SLC36A1: variants seen among roughly 807,000 people sequenced by gnomAD.
SLC36A1 encodes the protein solute carrier family 36 member 1.
In SLC36A1, 30 loss-of-function variants were observed where a neutral mutation model predicts 47.5. The ratio of observed to expected loss-of-function variants is 0.63; its 90% CI spans 0.47 to 0.86. SLC36A1 has a LOEUF of 0.86. Among genes scored for constraint, SLC36A1 ranks in the 40% least tolerant of loss-of-function variants. SLC36A1 has a pLI of 0.00. For synonymous variants in SLC36A1, 255 were observed against 249.7 expected (o/e 1.02, Z -0.20); for missense variants, 517 against 606.0 (o/e 0.85, Z 1.54).
At chr5:151,545,286 C>A in the SLC36A1 span, 1 of 1,614,006 alleles carries the variant, frequency 6.2e-7, no homozygotes, top group African/African-American at 1.3e-5. Flanking sequence ...TGTCTTGATA[C>A]AAGCCATCAG....
the SLC36A1 span, among the ~76,000 whole-genome samples, chr5:151,405,542 C>T: frequency 2.0e-5 from 3 of 151,838 alleles, no homozygotes; most frequent in African/African-American, 4.8e-5. Flanking sequence ...GCTTTCTTGC[C>T]GTTCTATATC....
At chr5:151,359,889 G>A in the SLC36A1 span, among the ~76,000 whole-genome samples, 1 of 152,316 alleles carries the variant, frequency 6.6e-6, no homozygotes, top group Admixed American at 6.5e-5. Context: ...ATATTCCATT[G>A]TATGGGTATG....
upstream of SLC36A1, among the ~76,000 whole-genome samples, chr5:151,432,729 G>A (rs1759436145): frequency 6.6e-6 from 1 of 152,142 alleles, no homozygotes; most frequent in Non-Finnish European, 1.5e-5. Flanking sequence ...AGGCCAGAGA[G>A]ACCAGCAGCA....
chr5:151,349,307 C>T, the SLC36A1 span, among the ~76,000 whole-genome samples: 1 of 151,912 alleles, frequency 6.6e-6, no homozygotes, highest in Non-Finnish European at 1.5e-5. Context: ...TCCCAGGCAT[C>T]GTCAGTGAAA....
chr5:151,473,871 C>A, intron 8 of SLC36A1, 100 bp downstream of exon 8: 1 of 965,372 alleles, frequency 1.0e-6, no homozygotes, highest in Non-Finnish European at 1.7e-6. Flanking sequence ...TAGAAAGTAT[C>A]TTCTGAGGCC....
chr5:151,363,663 C>T, the SLC36A1 span, among the ~76,000 whole-genome samples: 3 of 152,106 alleles, frequency 2.0e-5, no homozygotes, highest in Admixed American at 2.0e-4. Context: ...AGCTGCAGAC[C>T]TTAATCTATA....
At chr5:151,534,070 T>C in the SLC36A1 span, among the ~76,000 whole-genome samples, 1 of 152,152 alleles carries the variant, frequency 6.6e-6, no homozygotes, top group Non-Finnish European at 1.5e-5. Context: ...CAATCAGAAT[T>C]GAAGAAGTCT....
intron 1 of SLC36A1, chr5:151,451,182 G>C (rs1208066181): frequency 6.7e-6 from 1 of 149,298 alleles, no homozygotes; most frequent in South Asian, 2.1e-4. Context: ...TGACACCCAG[G>C]GCCAGTTCTT....
intron 1 of SLC36A1, among the ~76,000 whole-genome samples, chr5:151,453,226 T>TAAATA (rs1554108489): frequency 4.0e-5 from 6 of 151,564 alleles, no homozygotes; most frequent in East Asian, 3.9e-4. Flanking sequence ...TTAAAATAAA[T>TAAATA]AAATAAAATA....
At chr5:151,351,733 T>G in the SLC36A1 span, among the ~76,000 whole-genome samples, 1 of 152,178 alleles carries the variant, frequency 6.6e-6, no homozygotes, top group Non-Finnish European at 1.5e-5. Flanking sequence ...AGAGCAATCC[T>G]TCATCCTCAC....
chr5:151,515,644 A>C, the SLC36A1 span, among the ~76,000 whole-genome samples: 1 of 152,132 alleles, frequency 6.6e-6, no homozygotes, highest in Admixed American at 6.5e-5. Flanking sequence ...CCCACCCTTC[A>C]TTCAATTCAC....
chr5:151,523,946 C>A, the SLC36A1 span, among the ~76,000 whole-genome samples: 2 of 152,160 alleles, frequency 1.3e-5, no homozygotes, highest in African/African-American at 4.8e-5. Context: ...CCTGAATCGT[C>A]TCTGTTCTTT....
chr5:151,497,746 A>ATTCTAGGAT, the SLC36A1 span, among the ~76,000 whole-genome samples: 1 of 152,038 alleles, frequency 6.6e-6, no homozygotes, highest in Non-Finnish European at 1.5e-5. Flanking sequence ...TAGGATGTTT[A>ATTCTAGGAT]GCAGCATCCT....
At chr5:151,553,134 A>T in the SLC36A1 span, 1 of 1,583,954 alleles carries the variant, frequency 6.3e-7, no homozygotes, top group Non-Finnish European at 8.7e-7. Flanking sequence ...GTGTATAAGG[A>T]TGGGAGGGGT....
chr5:151,530,145 T>TGATGAAGA, the SLC36A1 span, among the ~76,000 whole-genome samples: 46 of 152,118 alleles, frequency 3.0e-4, no homozygotes, highest in Non-Finnish European at 5.9e-4. Flanking sequence ...GAAGAAAGGC[T>TGATGAAGA]GATGAAGAAG....
the SLC36A1 span, chr5:151,554,589 G>A: frequency 1.9e-6 from 3 of 1,614,214 alleles, no homozygotes; most frequent in Non-Finnish European, 2.5e-6. Context: ...GAGAATATAG[G>A]TGGATTGTCA....
At chr5:151,463,091 G>A (rs1387513743) in intron 2 of SLC36A1, among the ~76,000 whole-genome samples, 1 of 152,022 alleles carries the variant, frequency 6.6e-6, no homozygotes, top group Admixed American at 6.5e-5. Context: ...GGCCAGGCTG[G>A]TCTCGAACTC....
the SLC36A1 span, chr5:151,554,266 T>C: frequency 8.7e-7 from 1 of 1,143,374 alleles, no homozygotes; most frequent in Non-Finnish European, 1.2e-6. Flanking sequence ...CCATTTCCCT[T>C]ATGCTGGTGG....
the SLC36A1 span, chr5:151,511,244 G>A: frequency 6.6e-6 from 1 of 152,136 alleles, no homozygotes; most frequent in Non-Finnish European, 1.5e-5. Context: ...CAGAAAAAGG[G>A]GTAATGCGAA....
Sources: allele counts gnomAD v4.1 joint callset (sites outside exome capture counted in the v4.1 genomes callset), GRCh38; gene constraint gnomAD v4.1.1; transcripts MANE v1.5; gene names NCBI Gene and HGNC (gene_info 2026-07-23, HGNC 2026-07-21).